Variants in SERF2 observed in about 807,000 individuals in gnomAD.
SERF2 encodes gastric cancer-related protein VRG107.
SERF2 carries 4 observed loss-of-function variants against 10.7 expected under a neutral mutation model. That is an observed-to-expected ratio of 0.37 (90% CI 0.18 to 0.86). The LOEUF is 0.86. Ranked by LOEUF, SERF2 falls within the 40% of genes least tolerant of loss-of-function variation. The probability of loss-of-function intolerance (pLI) is 0.43; values close to 1 mark genes in which losing one functional copy is unlikely to be tolerated. For missense variants in SERF2, 47 were observed against 79.1 expected, an observed-to-expected ratio of 0.59 and a Z score of 1.54; for synonymous variants, 26 against 26.0, an observed-to-expected ratio of 1.00 and a Z score of 0.01.
In SERF2 at chr15:43,793,618, C is replaced by T. The variant is rs769462084; in HGVS notation, c.117-92C>T. The stretch of plus-strand genomic sequence containing the variant: ...CAAACGCTGAACTTAGTCCCATCCA[C>T]TTCCATCTTATCCTTTGTGCCCTTC... On this transcript the variant is annotated intron_variant, in intron 2 of 2. Coordinates refer to ENST00000249786, the MANE Select transcript of SERF2 (RefSeq NM_001018108.4). 5.0e-6 allele frequency: 8 copies of T among 1,609,596 alleles called. No homozygotes were observed. In the African/African-American group the frequency reaches 1.1e-4, roughly 22 times the overall value.
In SERF2 at chr15:43,793,921, G is replaced by C. The variant is rs1041792142; in HGVS notation, c.*148G>C. On this transcript the variant is annotated 3_prime_UTR_variant, in exon 3 of 3. Coordinates refer to ENST00000249786, the MANE Select transcript of SERF2 (RefSeq NM_001018108.4). The stretch of plus-strand genomic sequence containing the variant: ...TGAGTCTGCAGCGGGTCCCTTTTGT[G>C]CTTCCTTCCCCTCAGGTAGCCTCTC... 3.1e-5 allele frequency: 49 copies of C among 1,567,972 alleles called. No individual in the cohort carries two copies. The highest frequency in any genetic ancestry group is 4.0e-5 in the Non-Finnish European group (46 of 1,156,120).
intron 2 of SERF2, 40 bp downstream of exon 2, chr15:43,793,123 T>C: frequency 7.5e-7 from 1 of 1,327,988 alleles, no homozygotes; most frequent in Non-Finnish European, 1.1e-6. Flanking sequence ...GGTGGAGACC[T>C]GGGTTAGACC....
intron 2 of SERF2, 157 bp from the exon 3 acceptor site, chr15:43,793,553 C>A (rs781404474): frequency 6.6e-7 from 1 of 1,505,058 alleles, no homozygotes; most frequent in South Asian, 1.3e-5. Context: ...TGAGCCTCAG[C>A]TCTCTTCCTC....
chr15:43,784,444 TTTTA>T (rs1002884514), intron 1 of SERF2, among the ~76,000 whole-genome samples: 2 of 149,964 alleles, frequency 1.3e-5, no homozygotes, highest in South Asian at 2.1e-4. Flanking sequence ...TCTATTTTTG[TTTTA>T]TTTATTTATT....
intron 2 of SERF2, among the ~76,000 whole-genome samples, chr15:43,786,454 G>T (rs1038784199): frequency 6.7e-6 from 1 of 149,744 alleles, no homozygotes; most frequent in East Asian, 2.0e-4. Context: ...CGTTTGGTAC[G>T]CATGGAAAGA....
In SERF2 at chr15:43,793,993, GTT is replaced by G. The variant is rs766290998; in HGVS notation, c.*225_*226del. On this transcript the variant is annotated 3_prime_UTR_variant, in exon 3 of 3. Coordinates refer to ENST00000249786, the MANE Select transcript of SERF2 (RefSeq NM_001018108.4). Reference sequence around the variant, plus strand: ...GGTGAGGGGGTTACCCCTTCCCAGTGTTTTTTATTCCTGTGGGGCTCACCCCA... The same window carrying G: ...GGTGAGGGGGTTACCCCTTCCCAGTGTTTTATTCCTGTGGGGCTCACCCCA... The G allele has an allele frequency of 2.7e-6, 4 of 1,497,102 alleles. No individual in the cohort carries two copies. Among genetic ancestry groups the G allele is most frequent in the South Asian group, 2.5e-5 (2 of 79,120 alleles). 92.7% of individuals were successfully genotyped at this position (1,497,102 alleles called of 1,614,324 possible).
At chr15:43,787,128 T>A (rs2087014417) in intron 2 of SERF2, among the ~76,000 whole-genome samples, 1 of 151,488 alleles carries the variant, frequency 6.6e-6, no homozygotes, top group South Asian at 2.1e-4. Flanking sequence ...GCCTCCCAGG[T>A]AGCTGGGACT....
intron 2 of SERF2, among the ~76,000 whole-genome samples, chr15:43,786,445 G>A (rs1296544172): frequency 6.7e-6 from 1 of 150,090 alleles, no homozygotes; most frequent in African/African-American, 2.5e-5. Flanking sequence ...GCTGGTTGAC[G>A]TTTGGTACGC....
Position 43,795,484 on chromosome 15 carries a change from A to G in SERF2, c.*1711A>G, listed in dbSNP as rs200290403. 9.9e-6 allele frequency: 16 copies of G among 1,614,206 alleles called. No individual in the cohort carries two copies. In the African/African-American group the frequency reaches 1.9e-4, roughly 19 times the overall value. On this transcript the variant is annotated 3_prime_UTR_variant, in exon 3 of 3. Coordinates refer to ENST00000249786, the MANE Select transcript of SERF2 (RefSeq NM_001018108.4). ...GTTGTAGGAAAGATGCTGGACTTGGACTGGAGGAGCTGGAGGGGTTTCTTG... is the reference window on the plus strand; with the variant it reads ...GTTGTAGGAAAGATGCTGGACTTGGGCTGGAGGAGCTGGAGGGGTTTCTTG...
chr15:43,792,875 A>G (rs2087100498), intron 1 of SERF2, 100 bp from the exon 2 acceptor site: 1 of 840,096 alleles, frequency 1.2e-6, no homozygotes, highest in African/African-American at 1.7e-5. Flanking sequence ...CGGAGATTGA[A>G]GTGGTGTTGG....
chr15:43,793,258 C>T, intron 2 of SERF2, 175 bp downstream of exon 2: 2 of 591,232 alleles, frequency 3.4e-6, no homozygotes, highest in Non-Finnish European at 6.0e-6. Context: ...AGCTCACAGC[C>T]TTACAGGAAA....
At chr15:43,785,229 C>T (rs1001485890) in intron 1 of SERF2, among the ~76,000 whole-genome samples, 2 of 147,276 alleles carry the variant, frequency 1.4e-5, no homozygotes, top group South Asian at 2.3e-4. Context: ...CCACCACACC[C>T]GGCTAATTTT....
upstream of SERF2, among the ~76,000 whole-genome samples, chr15:43,787,785 A>C (rs2087019747): frequency 6.7e-6 from 1 of 149,056 alleles, no homozygotes; most frequent in African/African-American, 2.5e-5. Context: ...TGCAGTGTCA[A>C]CCTCCTGAGC....
intron 1 of SERF2, 150 bp from the exon 2 acceptor site, chr15:43,792,825 C>T (rs1373798118): frequency 2.9e-6 from 2 of 698,832 alleles, no homozygotes; most frequent in Admixed American, 2.7e-5. Flanking sequence ...CTCCCCCCTA[C>T]CCCAAGCAGC....
upstream of SERF2, among the ~76,000 whole-genome samples, chr15:43,789,515 A>C (rs981359729): frequency 6.6e-6 from 1 of 152,206 alleles, no homozygotes; most frequent in Non-Finnish European, 1.5e-5. Flanking sequence ...CAGAGTCCAC[A>C]GGTGTACTCC....
intron 2 of SERF2, among the ~76,000 whole-genome samples, chr15:43,785,980 A>C (rs1468222739): frequency 6.6e-6 from 1 of 151,578 alleles, no homozygotes; most frequent in Non-Finnish European, 1.5e-5. Context: ...TGCTGGGATT[A>C]TAGGCATGAG....
rs374764546 is a variant in SERF2, at chr15:43,786,060, T to C, written c.-402+526T>C. On this transcript the variant is annotated intron_variant, in intron 2 of 4. Transcript: ENST00000381359. ...TTGGGGTCTATTTTTATGTTAGGAC[T>C]GTTTTCTCCAACGCTTGGTGATCTT... Among the ~76,000 whole-genome samples the C allele has an allele frequency of 3.6e-4, 55 of 152,084 alleles. 1 individual carries two copies. Among genetic ancestry groups the C allele is most frequent in the East Asian group, 1.9e-3 (10 of 5,156 alleles).
rs2087169849 is a variant in SERF2 at position 43,794,995 on chromosome 15, AGGACTT to A, written c.*1223_*1228del. The A allele has an allele frequency of 6.2e-7, 1 of 1,600,530 alleles. No individual in the cohort carries two copies. The highest frequency in any genetic ancestry group is 1.7e-5 in the Admixed American group (1 of 58,626). On this transcript the variant is annotated 3_prime_UTR_variant, in exon 3 of 3. Coordinates refer to ENST00000249786, the MANE Select transcript of SERF2 (RefSeq NM_001018108.4). ...GTCAGGGGAACCCCAGTTTGTGAAA[AGGACTT>A]AGACTGGAGGATATTTGTTATCTGG...
At chr15:43,781,362 C>A (rs2086962423) in intron 1 of SERF2, among the ~76,000 whole-genome samples, 1 of 152,060 alleles carries the variant, frequency 6.6e-6, no homozygotes, top group African/African-American at 2.4e-5. Flanking sequence ...CGAGACCAGC[C>A]TGGCCAACAT....
Sources: gnomAD v4.1 joint callset for allele counts (sites outside exome capture counted in the v4.1 genomes callset) on GRCh38, gnomAD v4.1.1 for gene constraint, MANE v1.5 for transcripts, NCBI Gene and HGNC (gene_info 2026-07-23, HGNC 2026-07-21) for gene names.